The following ADGRV1 variants were observed in gnomAD, a reference collection of about 807,000 sequenced individuals.
ADGRV1 encodes adhesion G protein-coupled receptor V1, also known as G-protein coupled receptor 98.
ADGRV1 carries 359 observed loss-of-function variants against 596.2 expected under a neutral mutation model. That is an observed-to-expected ratio of 0.60 (90% CI 0.55 to 0.66). The LOEUF is 0.66. ADGRV1 is among the 30% of genes least tolerant of loss of function. ADGRV1 has a pLI of 0.00. For synonymous variants in ADGRV1, 2,681 were observed against 2,679.2 expected (o/e 1.00, Z -0.02); for missense variants, 7,274 against 7,575.6 (o/e 0.96, Z 1.48).
intron 5 of ADGRV1, among the ~76,000 whole-genome samples, chr5:90,623,134 C>A: frequency 6.6e-6 from 1 of 152,120 alleles, no homozygotes; most frequent in East Asian, 1.9e-4. Context: ...TGACACAATA[C>A]AATTAAAATA....
intron 86 of ADGRV1, among the ~76,000 whole-genome samples, 197 bp from the exon 87 acceptor site, chr5:91,102,022 T>C (rs750590268): frequency 3.3e-5 from 5 of 152,150 alleles, no homozygotes; most frequent in Non-Finnish European, 7.4e-5. Context: ...TCCCTGGGCC[T>C]ACCAGCAGCC....
intron 89 of ADGRV1, among the ~76,000 whole-genome samples, chr5:91,157,402 T>C (rs1796561066): frequency 6.6e-6 from 1 of 152,230 alleles, no homozygotes; most frequent in South Asian, 2.1e-4. Context: ...CTTTGCTAAC[T>C]ACCTTAGCAA....
intron 1 of ADGRV1, among the ~76,000 whole-genome samples, chr5:90,578,740 C>T (rs941562966): frequency 1.3e-5 from 2 of 152,140 alleles, no homozygotes; most frequent in South Asian, 4.1e-4. Context: ...TCCGTCTGGT[C>T]GTGGACTTTT....
chr5:90,630,336 C>G (rs943600534), intron 9 of ADGRV1: 2 of 152,118 alleles, frequency 1.3e-5, no homozygotes, highest in African/African-American at 4.8e-5. Context: ...ATAATATACT[C>G]AAAAATCAAT....
At position 90,762,281 on chromosome 5, in the gene ADGRV1, C is replaced by T. The variant is rs184152293; in HGVS notation, c.12121-1024C>T. 2.0e-5 allele frequency among the ~76,000 whole-genome samples: 3 copies of T among 152,226 alleles called. No homozygotes were observed. In the East Asian group the frequency reaches 5.8e-4, roughly 29 times the overall value. ...AAATACCCTAATTAGACTCCAGGCTCCTCATCTCCAGATATATGTATATAT... is the reference window on the plus strand; with the variant it reads ...AAATACCCTAATTAGACTCCAGGCTTCTCATCTCCAGATATATGTATATAT... On this transcript the variant is annotated intron_variant, in intron 58 of 89. Transcript: ENST00000405460.
rs1199205851 is a variant in ADGRV1 at position 90,721,070 on chromosome 5, T to C, written c.9748+11T>C. 1 of 1,606,098 alleles carries C rather than the reference T, an allele frequency of 6.2e-7. No homozygotes were observed. Among genetic ancestry groups the C allele is most frequent in the Non-Finnish European group, 8.5e-7 (1 of 1,176,374 alleles). On this transcript the variant is annotated intron_variant, in intron 45 of 89. Coordinates refer to ENST00000405460, the MANE Select transcript of ADGRV1 (RefSeq NM_032119.4). ...CAGCCTTTGGCATGAGTATGTTTCATTTCTTATGAGAACAAAATTCTGTAA... is the reference window on the plus strand; with the variant it reads ...CAGCCTTTGGCATGAGTATGTTTCACTTCTTATGAGAACAAAATTCTGTAA...
At chr5:91,087,751 C>A (rs892853510) in intron 86 of ADGRV1, among the ~76,000 whole-genome samples, 3 of 152,100 alleles carry the variant, frequency 2.0e-5, no homozygotes. Flanking sequence ...TCCACAAAAC[C>A]TTATTTGGGA....
At chr5:90,915,078 T>C (rs926530552) in intron 83 of ADGRV1, among the ~76,000 whole-genome samples, 2 of 152,204 alleles carry the variant, frequency 1.3e-5, no homozygotes, top group Admixed American at 6.5e-5. Flanking sequence ...CCTTCAATTA[T>C]TTTGTTAAGA....
At chr5:91,136,339 C>T (rs565453804) in intron 87 of ADGRV1, among the ~76,000 whole-genome samples, 93 of 152,270 alleles carry the variant, frequency 6.1e-4, no homozygotes, top group Middle Eastern at 3.4e-3. Flanking sequence ...GTATTTAGAC[C>T]TACACTTAAG....
intron 85 of ADGRV1, among the ~76,000 whole-genome samples, chr5:91,013,634 T>G (rs1173791505): frequency 2.0e-5 from 3 of 151,960 alleles, no homozygotes; most frequent in Non-Finnish European, 4.4e-5. Flanking sequence ...ATAATTTGAA[T>G]TTTTTTCTCC....
intron 77 of ADGRV1, among the ~76,000 whole-genome samples, chr5:90,829,494 T>A (rs918677709): frequency 1.4e-4 from 22 of 152,232 alleles, no homozygotes; most frequent in African/African-American, 4.3e-4. Context: ...AGAATGTAAC[T>A]GTTGAAGGCC....
At chr5:90,605,252 T>C (rs1761950685) in intron 1 of ADGRV1, among the ~76,000 whole-genome samples, 1 of 151,812 alleles carries the variant, frequency 6.6e-6, no homozygotes, top group Non-Finnish European at 1.5e-5. Context: ...TCGTCTCTAA[T>C]AAAAATAGAA....
chr5:91,086,518 C>G (rs549544683), intron 86 of ADGRV1, among the ~76,000 whole-genome samples: 1 of 152,258 alleles, frequency 6.6e-6, no homozygotes, highest in East Asian at 1.9e-4. Flanking sequence ...ACTAACTGAT[C>G]ATCAGAATTG....
rs886299678 is a variant in ADGRV1, at chr5:90,819,331, G to T, written c.16196+3595G>T. 7.6e-4 allele frequency among the ~76,000 whole-genome samples: 115 copies of T among 151,250 alleles called. 1 individual carries two copies. Among genetic ancestry groups the T allele is most frequent in the African/African-American group, 2.4e-3 (98 of 40,818 alleles). ...TTTTTTCTTTATTAGTCTTGCTAGC[G>T]GTCTATCTATTTTGTTGATCCTTTC... is the stretch of plus-strand genomic sequence containing the variant. On this transcript the variant is annotated intron_variant, in intron 75 of 89. Coordinates refer to ENST00000405460, the MANE Select transcript of ADGRV1 (RefSeq NM_032119.4).
intron 87 of ADGRV1, among the ~76,000 whole-genome samples, chr5:91,128,219 G>A (rs1366689450): frequency 6.6e-6 from 1 of 151,556 alleles, no homozygotes; most frequent in African/African-American, 2.4e-5. Context: ...CTGAACTCCT[G>A]CAATATAATA....
Position 90,778,033 on chromosome 5 carries a change from T to C in ADGRV1, c.12656T>C (p.Val4219Ala). 1 of 1,567,810 alleles carries C rather than the reference T, an allele frequency of 6.4e-7. No individual in the cohort carries two copies. Among genetic ancestry groups the C allele is most frequent in the Non-Finnish European group, 8.7e-7 (1 of 1,154,674 alleles). The change falls in exon 62 of 90, where the codon GTA (valine) becomes GCA (alanine). Residue 4219 changes from valine (V) to alanine (A), a missense_variant. Val to Ala is a moderately conservative substitution (Grantham distance 64). Transcript: ENST00000405460. ...CGAGACGAACAGTCTGCAGTCATTG[T>C]AGTAATACAGGTATCAATATTAGCT... ...TMRDEQSAVI[V>A]VIQALNDDIP...
intron 83 of ADGRV1, among the ~76,000 whole-genome samples, chr5:90,951,838 T>C (rs1777084488): frequency 6.6e-6 from 1 of 152,192 alleles, no homozygotes; most frequent in Non-Finnish European, 1.5e-5. Context: ...AATCTGAACT[T>C]TGATTCATGA....
intron 85 of ADGRV1, among the ~76,000 whole-genome samples, chr5:90,998,190 G>A (rs937254091): frequency 1.3e-5 from 2 of 152,098 alleles, no homozygotes; most frequent in African/African-American, 4.8e-5. Flanking sequence ...ACCTGAGTTA[G>A]GAGCTTGTTT....
intron 86 of ADGRV1, among the ~76,000 whole-genome samples, chr5:91,075,804 C>G (rs755593017): frequency 2.0e-5 from 3 of 151,646 alleles, no homozygotes; most frequent in Non-Finnish European, 4.4e-5. Context: ...CTCTCATTGC[C>G]CCAAAAAAAA....
Sources: allele counts gnomAD v4.1 joint callset (sites outside exome capture counted in the v4.1 genomes callset), GRCh38; gene constraint gnomAD v4.1.1; transcripts MANE v1.5; gene names NCBI Gene and HGNC (gene_info 2026-07-23, HGNC 2026-07-21).